ESRRG: variants seen among roughly 807,000 people sequenced by gnomAD.
ESRRG encodes estrogen related receptor gamma.
A neutral mutation model predicts 44.0 loss-of-function variants in ESRRG; 13 were observed. The observed-to-expected ratio is 0.30, with a 90% confidence interval of 0.19 to 0.47. The LOEUF (loss-of-function observed/expected upper bound fraction) is 0.47, where lower values mean the gene tolerates loss of function less well. Ranked by LOEUF, ESRRG falls within the 20% of genes least tolerant of loss-of-function variation. The pLI is 1.00. For missense variants in ESRRG, 395 were observed against 580.6 expected (o/e 0.68, Z 3.29); for synonymous variants, 215 against 214.6 (o/e 1.00, Z -0.02).
chr1:216,662,855 A>G (rs943963181), intron 2 of ESRRG, among the ~76,000 whole-genome samples: 3 of 152,218 alleles, frequency 2.0e-5, no homozygotes, highest in Non-Finnish European at 4.4e-5. Context: ...AGACCATACT[A>G]GAATAGGTGT....
intron 1 of ESRRG, among the ~76,000 whole-genome samples, chr1:217,028,710 A>C (rs1376904071): frequency 1.3e-5 from 2 of 152,208 alleles, no homozygotes; most frequent in Non-Finnish European, 2.9e-5. Flanking sequence ...ATAGCAAAAA[A>C]TACACAGGTA....
intron 1 of ESRRG, among the ~76,000 whole-genome samples, chr1:217,096,405 G>A (rs1026016231): frequency 1.3e-5 from 2 of 152,192 alleles, no homozygotes; most frequent in African/African-American, 4.8e-5. Context: ...GAAACTCAGC[G>A]TCATGGAAAG....
chr1:217,053,932 T>G (rs75254604), intron 1 of ESRRG, among the ~76,000 whole-genome samples: 9,330 of 151,952 alleles, frequency 0.061, 327 homozygotes, highest in African/African-American at 0.082. Flanking sequence ...TACAAGAAAG[T>G]CTCAGCCAAT....
At chr1:217,047,009 T>C (rs1205630336) in intron 1 of ESRRG, among the ~76,000 whole-genome samples, 1 of 152,054 alleles carries the variant, frequency 6.6e-6, no homozygotes, top group Non-Finnish European at 1.5e-5. Flanking sequence ...GAAGGATGTG[T>C]TACTCAAAAA....
At chr1:216,605,932 G>C (rs1248617304) in intron 3 of ESRRG, among the ~76,000 whole-genome samples, 2 of 149,138 alleles carry the variant, frequency 1.3e-5, no homozygotes, top group East Asian at 3.9e-4. Flanking sequence ...TTAACAACAA[G>C]AAAGCTGATT....
chr1:216,679,568 A>T (rs990554198), intron 1 of ESRRG, among the ~76,000 whole-genome samples: 5 of 151,470 alleles, frequency 3.3e-5, no homozygotes, highest in Non-Finnish European at 7.4e-5. Context: ...TCCCACAGCT[A>T]TGACAATTAA....
At chr1:216,987,414 A>G (rs1292840576) in intron 1 of ESRRG, among the ~76,000 whole-genome samples, 1 of 152,214 alleles carries the variant, frequency 6.6e-6, no homozygotes, top group Non-Finnish European at 1.5e-5. Flanking sequence ...TCTCCTGCTT[A>G]GAAATGTCTT....
intron 1 of ESRRG, among the ~76,000 whole-genome samples, chr1:217,015,329 C>A (rs11117746): frequency 6.6e-6 from 1 of 151,968 alleles, no homozygotes; most frequent in Admixed American, 6.6e-5. Flanking sequence ...ATCATCCAGA[C>A]ACTGCTGGAA....
intron 3 of ESRRG, among the ~76,000 whole-genome samples, chr1:216,593,539 A>C (rs747731825): frequency 6.6e-6 from 1 of 152,242 alleles, no homozygotes; most frequent in African/African-American, 2.4e-5. Flanking sequence ...ATTGTAAATA[A>C]CTACCTGCAT....
At chr1:216,791,770 G>T (rs1225196159) in intron 2 of ESRRG, among the ~76,000 whole-genome samples, 1 of 152,112 alleles carries the variant, frequency 6.6e-6, no homozygotes, top group Non-Finnish European at 1.5e-5. Flanking sequence ...TCACAAGAAA[G>T]TCGGCTAGTG....
At chr1:216,534,188 T>C (rs1572457531) in intron 5 of ESRRG, among the ~76,000 whole-genome samples, 1 of 152,140 alleles carries the variant, frequency 6.6e-6, no homozygotes, top group Admixed American at 6.5e-5. Flanking sequence ...CCTCCTGTGC[T>C]TCTCGCTCAT....
At chr1:216,655,042 TATG>T (rs1183208973) in intron 2 of ESRRG, among the ~76,000 whole-genome samples, 30 of 152,318 alleles carry the variant, frequency 2.0e-4, no homozygotes, top group Admixed American at 1.8e-3. Flanking sequence ...CAAATAATGA[TATG>T]AGAGTTTTAG....
intron 1 of ESRRG, among the ~76,000 whole-genome samples, chr1:216,703,684 T>C (rs2081909774): frequency 6.8e-6 from 1 of 146,892 alleles, no homozygotes; most frequent in Admixed American, 6.8e-5. Flanking sequence ...TGTGTGTGTG[T>C]ATGTTTGTGT....
chr1:217,040,526 T>G (rs2083660738), intron 1 of ESRRG, among the ~76,000 whole-genome samples: 1 of 152,198 alleles, frequency 6.6e-6, no homozygotes, highest in Non-Finnish European at 1.5e-5. Flanking sequence ...TAGTTAAGCT[T>G]TTTCAGCAAT....
chr1:216,811,592 T>C (rs1308240639), intron 2 of ESRRG, among the ~76,000 whole-genome samples: 4 of 152,186 alleles, frequency 2.6e-5, no homozygotes, highest in Admixed American at 2.0e-4. Flanking sequence ...TAGGCTCCAA[T>C]TGGTTGAATT....
At chr1:216,904,395 TA>T (rs1239406378) in intron 2 of ESRRG, among the ~76,000 whole-genome samples, 7 of 152,142 alleles carry the variant, frequency 4.6e-5, no homozygotes, top group Admixed American at 4.6e-4. Flanking sequence ...CTTCAAAGTT[TA>T]GGGGATATTC....
chr1:216,736,278 T>G (rs960397576), intron 2 of ESRRG, among the ~76,000 whole-genome samples: 7 of 148,622 alleles, frequency 4.7e-5, no homozygotes, highest in Non-Finnish European at 7.4e-5. Flanking sequence ...CGCCTCCCGG[T>G]TTCACGCCAT....
intron 4 of ESRRG, among the ~76,000 whole-genome samples, chr1:216,567,595 A>G (rs1006007904): frequency 6.6e-6 from 1 of 152,222 alleles, no homozygotes; most frequent in Non-Finnish European, 1.5e-5. Context: ...AACTACAAAA[A>G]TCACTTTCTT....
chr1:217,073,073 G>A (rs1021002900), intron 1 of ESRRG, among the ~76,000 whole-genome samples: 1 of 151,814 alleles, frequency 6.6e-6, no homozygotes, highest in Non-Finnish European at 1.5e-5. Context: ...TAAAAAGAAG[G>A]TTGGCTGGGA....
Sources: allele counts gnomAD v4.1 joint callset (sites outside exome capture counted in the v4.1 genomes callset), GRCh38; gene constraint gnomAD v4.1.1; transcripts MANE v1.5; gene names NCBI Gene and HGNC (gene_info 2026-07-23, HGNC 2026-07-21).